PRDM5: variants seen among roughly 807,000 people sequenced by gnomAD.
The protein encoded by PRDM5 is PR/SET domain 5.
In PRDM5, 56 loss-of-function variants were observed where a neutral mutation model predicts 81.2. The ratio of observed to expected loss-of-function variants is 0.69; its 90% CI spans 0.56 to 0.86. The LOEUF (loss-of-function observed/expected upper bound fraction) is 0.86, where lower values mean the gene tolerates loss of function less well. PRDM5 is among the 40% of genes least tolerant of loss of function. The probability of loss-of-function intolerance (pLI) is 0.00; values close to 1 mark genes in which losing one functional copy is unlikely to be tolerated. For synonymous variants in PRDM5, 267 were observed against 256.4 expected, an observed-to-expected ratio of 1.04 and a Z score of -0.39; for missense variants, 697 against 770.1, an observed-to-expected ratio of 0.91 and a Z score of 1.12.
intron 2 of PRDM5, among the ~76,000 whole-genome samples, chr4:120,902,570 TG>T (rs1187051470): frequency 6.6e-6 from 1 of 152,176 alleles, no homozygotes; most frequent in East Asian, 1.9e-4. Context: ...TCCACCAAAT[TG>T]TCCAAGGGAA....
intron 2 of PRDM5, chr4:120,896,736 T>G (rs1764666985): frequency 6.6e-6 from 1 of 151,754 alleles, no homozygotes; most frequent in African/African-American, 2.4e-5. Context: ...CAGGCTGGAG[T>G]GCAGTGGCAC....
At chr4:120,812,544 C>T in intron 7 of PRDM5, 1 of 159,080 alleles carries the variant, frequency 6.3e-6, no homozygotes, top group South Asian at 1.6e-4. Flanking sequence ...AACATTTTTT[C>T]ATATACCTGT....
intron 1 of PRDM5, among the ~76,000 whole-genome samples, chr4:120,920,583 G>A (rs1191116530): frequency 6.6e-6 from 1 of 152,180 alleles, no homozygotes; most frequent in Non-Finnish European, 1.5e-5. Context: ...CTTTAGCTTT[G>A]TCTTCGTCCT....
In PRDM5 at chr4:120,695,153, G is replaced by C. The variant is rs767571327; in HGVS notation, c.1851C>G (p.Leu617=). 2 of 1,613,306 alleles carry C rather than the reference G, an allele frequency of 1.2e-6. No individual in the cohort carries two copies. Among genetic ancestry groups the C allele is most frequent in the Admixed American group, 3.3e-5 (2 of 59,952 alleles). The change falls in exon 16 of 16, where the codon CTC becomes CTG. Residue 617 remains leucine (L), a synonymous_variant. Transcript: ENST00000264808. ...CATGGATATTGTCCATGTGCACTTT[G>C]AGGTAGTCATTCCTTGTAAACTTCT... ...CHKKFTRNDY[L]KVHMDNIHGV...
intron 8 of PRDM5, among the ~76,000 whole-genome samples, chr4:120,807,135 C>T (rs1229672140): frequency 6.6e-6 from 1 of 152,172 alleles, no homozygotes; most frequent in African/African-American, 2.4e-5. Flanking sequence ...AAATGCAAAT[C>T]ACAACCACAA....
At chr4:120,730,389 A>AAT (rs1300545404) in intron 14 of PRDM5, among the ~76,000 whole-genome samples, 2 of 152,224 alleles carry the variant, frequency 1.3e-5, no homozygotes, top group Non-Finnish European at 2.9e-5. Context: ...GAATCATGTA[A>AAT]ATATAACTGG....
At chr4:120,799,777 C>G (rs1315163109) in intron 8 of PRDM5, 32 bp from the exon 9 acceptor site, 5 of 1,603,398 alleles carry the variant, frequency 3.1e-6, no homozygotes, top group Non-Finnish European at 4.3e-6. Context: ...GTTAAATCAA[C>G]TGTCAAAGCC....
At chr4:120,831,599 T>C (rs910764386) in intron 3 of PRDM5, among the ~76,000 whole-genome samples, 4 of 152,122 alleles carry the variant, frequency 2.6e-5, no homozygotes, top group Admixed American at 6.5e-5. Flanking sequence ...AGCCAAATTA[T>C]ATGAGGCAAA....
intron 3 of PRDM5, among the ~76,000 whole-genome samples, chr4:120,829,344 G>A (rs557693005): frequency 6.6e-6 from 1 of 152,100 alleles, no homozygotes; most frequent in East Asian, 1.9e-4. Context: ...TAGATATCTA[G>A]GCAATAAATC....
intron 3 of PRDM5, among the ~76,000 whole-genome samples, chr4:120,853,048 T>G (rs376330036): frequency 6.6e-6 from 1 of 152,092 alleles, no homozygotes; most frequent in African/African-American, 2.4e-5. Flanking sequence ...ACCTTCTCCA[T>G]AAAGCCTTTC....
chr4:120,783,462 G>C (rs1395596302), intron 11 of PRDM5, among the ~76,000 whole-genome samples: 1 of 152,034 alleles, frequency 6.6e-6, no homozygotes, highest in Non-Finnish European at 1.5e-5. Context: ...AAAGGTGGTA[G>C]ATTACTTCTG....
intron 10 of PRDM5, among the ~76,000 whole-genome samples, chr4:120,793,061 A>G (rs1040159476): frequency 6.6e-6 from 1 of 152,194 alleles, no homozygotes; most frequent in Non-Finnish European, 1.5e-5. Context: ...CCACAATATC[A>G]GCCCGTAGCC....
At chr4:120,717,971 A>T (rs1738042217) in intron 14 of PRDM5, among the ~76,000 whole-genome samples, 1 of 152,200 alleles carries the variant, frequency 6.6e-6, no homozygotes, top group Non-Finnish European at 1.5e-5. Flanking sequence ...GAAATTGAGA[A>T]AGGGAAACTT....
chr4:120,912,862 G>T (rs1307771676), intron 1 of PRDM5, among the ~76,000 whole-genome samples: 1 of 152,156 alleles, frequency 6.6e-6, no homozygotes, highest in African/African-American at 2.4e-5. Flanking sequence ...AAATAATGAT[G>T]TTTTTCACAG....
Position 120,692,007 on chromosome 4 carries a change from C to A in PRDM5, c.*3104G>T, listed in dbSNP as rs559972665. ...TTTACACATGCTCCATTTATATACACGCAAACAAATGTCAATATCAATGGT... is the reference window on the plus strand; with the variant it reads ...TTTACACATGCTCCATTTATATACAAGCAAACAAATGTCAATATCAATGGT... On this transcript the variant is annotated 3_prime_UTR_variant, in exon 16 of 16. Transcript: ENST00000264808. The A allele has an allele frequency of 6.6e-6, 1 of 151,856 alleles. No individual in the cohort carries two copies. The highest frequency in any genetic ancestry group is 1.5e-5 in the Non-Finnish European group (1 of 67,932). The allele number at this position is 151,856 out of a possible 1,614,324, so 9.4% of individuals were successfully genotyped here.
rs376578022 is a variant in PRDM5, at chr4:120,867,867, CA to C, written c.178-14328del. Reference sequence around the variant, plus strand: ...GAGAAAAACTTGGCCTGAGCACATACAAAAACCCTAATATTAAACTCTAATG... The same window carrying C: ...GAGAAAAACTTGGCCTGAGCACATACAAAACCCTAATATTAAACTCTAATG... On this transcript the variant is annotated intron_variant, in intron 2 of 15. Coordinates refer to ENST00000264808, the MANE Select transcript of PRDM5 (RefSeq NM_018699.4). 1.4e-4 allele frequency among the ~76,000 whole-genome samples: 22 copies of C among 152,318 alleles called. 1 individual carries two copies. In the East Asian group the frequency reaches 3.3e-3, roughly 23 times the overall value.
rs538276898 is a variant in PRDM5, at chr4:120,768,356, A to G, written c.1537+8832T>C. On this transcript the variant is annotated intron_variant, in intron 13 of 15. Coordinates refer to ENST00000264808, the MANE Select transcript of PRDM5 (RefSeq NM_018699.4). ...CGTGCTTCCTCATCTAGAAAATGAG[A>G]ATGGTCCTAGAAATGGCTGAATCCT... Among the ~76,000 whole-genome samples, 2 of 152,290 alleles carry G rather than the reference A, an allele frequency of 1.3e-5. 1 individual carries two copies. The highest frequency in any genetic ancestry group is 3.9e-4 in the East Asian group (2 of 5,174).
intron 2 of PRDM5, among the ~76,000 whole-genome samples, chr4:120,854,637 A>T (rs981509912): frequency 2.0e-5 from 3 of 152,206 alleles, no homozygotes; most frequent in African/African-American, 4.8e-5. Context: ...AGTGAACAAG[A>T]CAAAGCCCCA....
At chr4:120,851,165 A>T (rs1759218524) in intron 3 of PRDM5, among the ~76,000 whole-genome samples, 2 of 152,104 alleles carry the variant, frequency 1.3e-5, no homozygotes, top group African/African-American at 4.8e-5. Context: ...GACATTTCTG[A>T]AACTGAAGGA....
Sources: gnomAD v4.1 joint callset for allele counts (sites outside exome capture counted in the v4.1 genomes callset) on GRCh38, gnomAD v4.1.1 for gene constraint, MANE v1.5 for transcripts, NCBI Gene and HGNC (gene_info 2026-07-23, HGNC 2026-07-21) for gene names.